ADGRA2: variants seen among roughly 807,000 people sequenced by gnomAD.
ADGRA2 encodes adhesion G protein-coupled receptor A2.
Under a neutral mutation model 98.7 loss-of-function variants are expected in ADGRA2, and 61 were observed. The ratio of observed to expected loss-of-function variants is 0.62; its 90% CI spans 0.50 to 0.76. ADGRA2 has a LOEUF of 0.76. Ranked by LOEUF, ADGRA2 falls within the 30% of genes least tolerant of loss-of-function variation. The pLI is 0.00. For missense variants in ADGRA2, 1,712 were observed against 1,860.0 expected, an observed-to-expected ratio of 0.92 and a Z score of 1.46; for synonymous variants, 858 against 831.5, an observed-to-expected ratio of 1.03 and a Z score of -0.55.
In ADGRA2 at chr8:37,840,840, A is replaced by G. The variant is rs1805767260; in HGVS notation, c.2738A>G (p.His913Arg). Residue 913 changes from histidine to arginine, a missense_variant, in exon 18 of 19, where the codon CAC (histidine) becomes CGC (arginine). Physicochemically the swap from His to Arg is conservative, Grantham distance 29. Transcript: ENST00000412232. Reference sequence around the variant, plus strand: ...GTCAACATCCACAACTACCGGGACCACAGCCCCTAGTGAGCACCCCTCCCT... The same window carrying G: ...GTCAACATCCACAACTACCGGGACCGCAGCCCCTAGTGAGCACCCCTCCCT... ...AAVNIHNYRDHSPYCWLVWRP... is the reference protein window; with the variant it reads ...AAVNIHNYRDRSPYCWLVWRP... The G allele has an allele frequency of 6.3e-7, 1 of 1,597,230 alleles. No individual in the cohort carries two copies. Among genetic ancestry groups the G allele is most frequent in the Non-Finnish European group, 8.6e-7 (1 of 1,165,960 alleles).
In ADGRA2 at chr8:37,841,683, C is replaced by G. The variant is rs1177488061; in HGVS notation, c.3345C>G (p.Pro1115=). The change falls in exon 19 of 19, where the codon CCC becomes CCG. Residue 1115 remains proline (P), a synonymous_variant. Transcript: ENST00000412232. This position sits in a 1 kb window ranked among gnomAD's most constrained non-coding sequence, Gnocchi z 5.0. ...DGSPVFGEGP[P]SLKSSPSGSS... is the part of the protein sequence containing the mutation. Reference sequence around the variant, plus strand: ...CCCCGGTGTTCGGGGAGGGCCCCCCCTCCCTCAAGTCCTCCCCAAGCGGCA... The same window carrying G: ...CCCCGGTGTTCGGGGAGGGCCCCCCGTCCCTCAAGTCCTCCCCAAGCGGCA... 6.5e-7 allele frequency: 1 copy of G among 1,533,124 alleles called. No individual in the cohort carries two copies. Among genetic ancestry groups the G allele is most frequent in the Non-Finnish European group, 8.8e-7 (1 of 1,139,900 alleles). The allele number at this position is 1,533,124 out of a possible 1,614,324, so 95.0% of individuals were successfully genotyped here.
At chr8:37,821,046 A>G (rs1345328713) in intron 2 of ADGRA2, among the ~76,000 whole-genome samples, 2 of 151,836 alleles carry the variant, frequency 1.3e-5, no homozygotes, top group African/African-American at 4.8e-5. Flanking sequence ...CAGAAGACCC[A>G]CCTTGCACGT....
At chr8:37,800,122 G>T (rs1804458356) in intron 1 of ADGRA2, among the ~76,000 whole-genome samples, 1 of 152,170 alleles carries the variant, frequency 6.6e-6, no homozygotes, top group South Asian at 2.1e-4. Context: ...CCATCAGGAA[G>T]GGTTACAGCC....
At position 37,841,684 on chromosome 8, in the gene ADGRA2, T is replaced by A; in HGVS notation, c.3346T>A (p.Ser1116Thr). The A allele has an allele frequency of 6.5e-7, 1 of 1,532,168 alleles. No individual in the cohort carries two copies. The highest frequency in any genetic ancestry group is 1.2e-5 in the South Asian group (1 of 82,128). 94.9% of individuals were successfully genotyped at this position (1,532,168 alleles called of 1,614,324 possible). The change falls in exon 19 of 19, where the codon TCC (serine) becomes ACC (threonine). Residue 1116 changes from serine (S) to threonine (T), a missense_variant. Ser to Thr is a moderately conservative substitution (Grantham distance 58). Coordinates refer to ENST00000412232, the MANE Select transcript of ADGRA2 (RefSeq NM_032777.10). The surrounding 1 kb of genome is among the most constrained non-coding windows in gnomAD (Gnocchi z 5.0). ...GSPVFGEGPP[S>T]LKSSPSGSSG... ...CCCGGTGTTCGGGGAGGGCCCCCCCTCCCTCAAGTCCTCCCCAAGCGGCAG... is the reference window on the plus strand; with the variant it reads ...CCCGGTGTTCGGGGAGGGCCCCCCCACCCTCAAGTCCTCCCCAAGCGGCAG...
intron 1 of ADGRA2, among the ~76,000 whole-genome samples, chr8:37,805,768 C>A (rs1804640597): frequency 6.6e-6 from 1 of 152,106 alleles, no homozygotes; most frequent in Non-Finnish European, 1.5e-5. Context: ...ACTCATGAGG[C>A]TGAGGCAGGC....
intron 1 of ADGRA2, among the ~76,000 whole-genome samples, chr8:37,805,732 A>C (rs1448733577): frequency 6.6e-6 from 1 of 151,716 alleles, no homozygotes; most frequent in Non-Finnish European, 1.5e-5. Context: ...AGCCGGGTGT[A>C]GTGGTGCGCG....
At chr8:37,819,331 G>A (rs951274948) in intron 2 of ADGRA2, among the ~76,000 whole-genome samples, 7 of 152,148 alleles carry the variant, frequency 4.6e-5, no homozygotes, top group African/African-American at 2.4e-5. Flanking sequence ...GGTCTCCAAC[G>A]TGGTCACTGA....
chr8:37,808,759 C>A (rs1804747201), intron 1 of ADGRA2, among the ~76,000 whole-genome samples: 2 of 152,110 alleles, frequency 1.3e-5, no homozygotes, highest in African/African-American at 4.8e-5. Flanking sequence ...CAAGACTAGC[C>A]TGGGTAACAT....
At chr8:37,798,324 G>A (rs1274719799) in intron 1 of ADGRA2, among the ~76,000 whole-genome samples, 1 of 152,238 alleles carries the variant, frequency 6.6e-6, no homozygotes, top group Admixed American at 6.5e-5. Context: ...TGGGGAAGCG[G>A]GGTTCCCTCA....
Position 37,797,305 on chromosome 8 carries a change from G to A in ADGRA2, c.37G>A (p.Ala13Thr), listed in dbSNP as rs527368208. 44 of 1,314,930 alleles carry A rather than the reference G, an allele frequency of 3.3e-5. No homozygotes were observed. In the African/African-American group the frequency reaches 6.0e-4, roughly 18 times the overall value. 81.5% of individuals were successfully genotyped at this position (1,314,930 alleles called of 1,614,324 possible). A position where few individuals can be genotyped will look rare whatever the true frequency, so the allele number is the denominator to read the frequency against. The part of the protein sequence containing the change: ...AGGRRMRGAP[A>T]RLLLPLLPWL... ...GGGACGCAGGATGCGGGGGGCGCCCGCGCGCCTGCTGCTGCCGCTGCTGCC... is the reference window on the plus strand; with the variant it reads ...GGGACGCAGGATGCGGGGGGCGCCCACGCGCCTGCTGCTGCCGCTGCTGCC... The change falls in exon 1 of 19, where the codon GCG (alanine) becomes ACG (threonine). Residue 13 changes from alanine (A) to threonine (T), a missense_variant. By Grantham distance (58) the Ala-to-Thr change is moderately conservative. Transcript: ENST00000412232. This position sits in a 1 kb window ranked among gnomAD's most constrained non-coding sequence, Gnocchi z 5.3.
At chr8:37,837,372 C>G (rs1050188692) in intron 13 of ADGRA2, among the ~76,000 whole-genome samples, 2 of 151,708 alleles carry the variant, frequency 1.3e-5, no homozygotes, top group African/African-American at 2.4e-5. Context: ...CTCCCTCCTC[C>G]CTCCTCCCTT....
chr8:37,842,132 A>C lies in ADGRA2; in HGVS notation c.3794A>C (p.Glu1265Ala), dbSNP rs1240096905. ...GACACCAGCGCCGCGCCGCTTTCTG[A>C]GGCGGGCCGGGCAGGCCAGCGCCGC... ...GSDTSAAPLS[E>A]AGRAGQRRSA... Residue 1265 changes from glutamate to alanine, a missense_variant, in exon 19 of 19, where the codon GAG (glutamate) becomes GCG (alanine). Physicochemically the swap from Glu to Ala is moderately radical, Grantham distance 107 (BLOSUM62 -1). Coordinates refer to ENST00000412232, the MANE Select transcript of ADGRA2 (RefSeq NM_032777.10). 1 of 1,496,570 alleles carries C rather than the reference A, an allele frequency of 6.7e-7. No individual in the cohort carries two copies. Among genetic ancestry groups the C allele is most frequent in the Non-Finnish European group, 8.8e-7 (1 of 1,130,744 alleles). The allele number at this position is 1,496,570 out of a possible 1,614,324, so 92.7% of individuals were successfully genotyped here.
chr8:37,840,678 C>T, intron 17 of ADGRA2, 82 bp from the exon 18 acceptor site: 1 of 778,944 alleles, frequency 1.3e-6, no homozygotes, highest in Non-Finnish European at 2.3e-6. Flanking sequence ...GGGACAGAAA[C>T]ATCAAGCAAA....
chr8:37,807,890 C>T (rs1173471560), intron 1 of ADGRA2, among the ~76,000 whole-genome samples: 1 of 152,196 alleles, frequency 6.6e-6, no homozygotes, highest in South Asian at 2.1e-4. Flanking sequence ...TGACTCTTCC[C>T]GCACATGTGA....
chr8:37,804,495 T>G (rs1447233213), intron 1 of ADGRA2, among the ~76,000 whole-genome samples: 1 of 152,146 alleles, frequency 6.6e-6, no homozygotes, highest in Non-Finnish European at 1.5e-5. Flanking sequence ...AAATAGTACT[T>G]CCTGACTTCA....
rs1356484552 is a variant in ADGRA2 at position 37,830,526 on chromosome 8, C to T, written c.719-184C>T. On this transcript the variant is annotated intron_variant, in intron 6 of 18. Transcript: ENST00000412232. The surrounding 1 kb of genome is among the most constrained non-coding windows in gnomAD (Gnocchi z 4.8). ...AGTACTTTTCTTTGTCCAAAAACCGCCTGTCCCTCCCCTTTACCCTTACCC... is the reference window on the plus strand; with the variant it reads ...AGTACTTTTCTTTGTCCAAAAACCGTCTGTCCCTCCCCTTTACCCTTACCC... 6.6e-6 allele frequency among the ~76,000 whole-genome samples: 1 copy of T among 152,212 alleles called. No homozygotes were observed. Among genetic ancestry groups the T allele is most frequent in the African/African-American group, 2.4e-5 (1 of 41,454 alleles).
rs557436028 is a variant in ADGRA2, at chr8:37,802,570, C to T, written c.266+5036C>T. 1.3e-5 allele frequency among the ~76,000 whole-genome samples: 2 copies of T among 152,266 alleles called. No individual in the cohort carries two copies. Among genetic ancestry groups the T allele is most frequent in the East Asian group, 1.9e-4 (1 of 5,168 alleles). ...CACCCAGGGGTGCAGGTCTTAGCTG[C>T]GGCACCCCCACCCGGGCTCCGGGAC... On this transcript the variant is annotated intron_variant, in intron 1 of 18. Coordinates refer to ENST00000412232, the MANE Select transcript of ADGRA2 (RefSeq NM_032777.10). The surrounding 1 kb of genome is among the most constrained non-coding windows in gnomAD (Gnocchi z 4.7).
chr8:37,841,031 A>AC lies in ADGRA2; in HGVS notation c.2748-55_2748-54insC. On this transcript the variant is annotated intron_variant, in intron 18 of 18. Transcript: ENST00000412232. This position sits in a 1 kb window ranked among gnomAD's most constrained non-coding sequence, Gnocchi z 5.0. Reference sequence around the variant, plus strand: ...TGTCTCCCCAACCACCCCGGCCCCCAGCCCCACCCCAGCCATGCCCCCTGT... The same window carrying AC: ...TGTCTCCCCAACCACCCCGGCCCCCACGCCCCACCCCAGCCATGCCCCCTGT... 1.4e-6 allele frequency: 1 copy of AC among 696,522 alleles called. No individual in the cohort carries two copies. Among genetic ancestry groups the AC allele is most frequent in the Non-Finnish European group, 2.3e-6 (1 of 441,298 alleles). The allele number at this position is 696,522 out of a possible 1,614,324, so 43.1% of individuals were successfully genotyped here.
At chr8:37,817,618 A>C (rs1051281265) in intron 2 of ADGRA2, among the ~76,000 whole-genome samples, 1 of 152,050 alleles carries the variant, frequency 6.6e-6, no homozygotes, top group African/African-American at 2.4e-5. Flanking sequence ...CTGAGGTGGG[A>C]ATCGCTTGAG....
Sources: gnomAD v4.1 joint callset for allele counts (sites outside exome capture counted in the v4.1 genomes callset) on GRCh38, gnomAD v4.1.1 for gene constraint, Gnocchi (gnomAD v3.1) non-coding constraint, MANE v1.5 for transcripts, NCBI Gene and HGNC (gene_info 2026-07-23, HGNC 2026-07-21) for gene names.